The following ERAP2 variants were observed in gnomAD, a reference collection of about 807,000 sequenced individuals.
ERAP2 encodes the protein leukocyte-derived arginine aminopeptidase.
ERAP2 carries 118 observed loss-of-function variants against 111.1 expected under a neutral mutation model. That is an observed-to-expected ratio of 1.06 (90% CI 0.92 to 1.24). The LOEUF (loss-of-function observed/expected upper bound fraction) is 1.24, where lower values mean the gene tolerates loss of function less well. Among genes scored for constraint, ERAP2 ranks in the 50% most tolerant of loss-of-function variants. The probability of loss-of-function intolerance (pLI) is 0.00; values close to 1 mark genes in which losing one functional copy is unlikely to be tolerated. For missense variants in ERAP2, 1,131 were observed against 1,125.8 expected, an observed-to-expected ratio of 1.00 and a Z score of -0.07; for synonymous variants, 410 against 401.2, an observed-to-expected ratio of 1.02 and a Z score of -0.26.
In ERAP2 at chr5:96,896,718, G is replaced by GT. The variant is rs745917887; in HGVS notation, c.1372-5dup. The GT allele has an allele frequency of 1.3e-3, 1,802 of 1,437,818 alleles. No homozygotes were observed. Among genetic ancestry groups the GT allele is most frequent in the South Asian group, 3.0e-3 (217 of 73,036 alleles). 89.1% of individuals were successfully genotyped at this position (1,437,818 alleles called of 1,614,324 possible). On this transcript the variant is annotated splice_polypyrimidine_tract_variant and intron_variant, in intron 8 of 18. Transcript: ENST00000437043. ...CTTTATCTCTTTTTTCAACTCTTTT[G>GT]TTTTTTTTTAAAGGGAGCTTGTATT...
At chr5:96,899,232 T>TTCTGAC (rs3985004) in intron 9 of ERAP2, among the ~76,000 whole-genome samples, 94,317 of 151,554 alleles carry the variant, frequency 0.62, 29,483 homozygotes, top group South Asian at 0.73. Context: ...AAAATTTGTC[T>TTCTGAC]TCTAAGTCCA....
intron 17 of ERAP2, among the ~76,000 whole-genome samples, chr5:96,915,020 T>C (rs1787216845): frequency 6.6e-6 from 1 of 152,182 alleles, no homozygotes. Flanking sequence ...TAATTTATTT[T>C]TTTTGAGACG....
chr5:96,891,003 A>G (rs1237131707), intron 5 of ERAP2, among the ~76,000 whole-genome samples: 8 of 152,202 alleles, frequency 5.3e-5, no homozygotes, highest in African/African-American at 1.9e-4. Context: ...TATAAGTCCC[A>G]CTACTATAAA....
chr5:96,889,258 A>AT lies in ERAP2; in HGVS notation c.928dup (p.Tyr310LeufsTer2), dbSNP rs770126117. 16 of 1,613,894 alleles carry AT rather than the reference A, an allele frequency of 9.9e-6. No homozygotes were observed. The highest frequency in any genetic ancestry group is 1.3e-5 in the African/African-American group (1 of 74,920). ...TTGCAGGCATCACTGAAGCTACTTG[A>AT]TTTTTATGAAAAGTACTTTGATATC... On this transcript the variant is annotated frameshift_variant, in exon 5 of 19. Coordinates refer to ENST00000437043, the MANE Select transcript of ERAP2 (RefSeq NM_022350.5). LOFTEE classifies it high-confidence loss of function.
At position 96,908,872 on chromosome 5, in the gene ERAP2, T is replaced by C. The variant is rs562231061; in HGVS notation, c.2013-89T>C. On this transcript the variant is annotated intron_variant, in intron 13 of 18. Transcript: ENST00000437043. ...CAGCTATAATGACCTACTTCTGTTA[T>C]TGTTCTCTATTTCATATTTGTTTTA... 1.9e-5 allele frequency: 25 copies of C among 1,329,276 alleles called. 1 individual carries two copies. In the East Asian group the frequency reaches 6.0e-4, roughly 32 times the overall value. The allele number at this position is 1,329,276 out of a possible 1,614,324, so 82.3% of individuals were successfully genotyped here.
intron 15 of ERAP2, among the ~76,000 whole-genome samples, chr5:96,911,879 AAAG>A (rs1214012616): frequency 1.1e-4 from 14 of 125,672 alleles, no homozygotes; most frequent in Non-Finnish European, 2.2e-4. Context: ...AAAAAAAAAA[AAAG>A]AAAGAAAGAA....
intron 9 of ERAP2, among the ~76,000 whole-genome samples, chr5:96,897,782 C>T (rs967023328): frequency 6.6e-6 from 1 of 152,132 alleles, no homozygotes; most frequent in African/African-American, 2.4e-5. Context: ...GAACTCATAC[C>T]TGTAATTAGA....
At chr5:96,891,385 A>T (rs55691766) in intron 5 of ERAP2, among the ~76,000 whole-genome samples, 1 of 148,658 alleles carries the variant, frequency 6.7e-6, no homozygotes, top group African/African-American at 2.5e-5. Context: ...ATATATATAT[A>T]TGTGTATACA....
intron 13 of ERAP2, among the ~76,000 whole-genome samples, chr5:96,905,917 T>C (rs1195154272): frequency 6.6e-6 from 1 of 150,864 alleles, no homozygotes. Context: ...ACATTTAGTT[T>C]GGAGAGATAA....
intron 1 of ERAP2, among the ~76,000 whole-genome samples, chr5:96,877,652 T>C (rs951726809): frequency 2.0e-5 from 3 of 152,202 alleles, no homozygotes; most frequent in Admixed American, 6.5e-5. Context: ...CATGATCACG[T>C]AGGTGAGGTT....
intron 13 of ERAP2, among the ~76,000 whole-genome samples, chr5:96,908,129 T>C (rs756762554): frequency 2.0e-5 from 3 of 152,214 alleles, no homozygotes; most frequent in Non-Finnish European, 4.4e-5. Context: ...TAGAGCACTA[T>C]GTTAATGATA....
chr5:96,901,291 C>T (rs760528316), intron 10 of ERAP2, among the ~76,000 whole-genome samples: 1 of 152,128 alleles, frequency 6.6e-6, no homozygotes, highest in Non-Finnish European at 1.5e-5. Context: ...CTACTATATC[C>T]TGTATATATC....
Position 96,886,052 on chromosome 5 carries a change from A to G in ERAP2, c.715-603A>G, listed in dbSNP as rs563040357. ...CGCAGCAAGTGAGAGAATGAGCATC[A>G]TCTTTGGAGTCACACGGTCACATCC... On this transcript the variant is annotated intron_variant, in intron 3 of 18. Transcript: ENST00000437043. 5.3e-5 allele frequency among the ~76,000 whole-genome samples: 8 copies of G among 152,374 alleles called. No individual in the cohort carries two copies. In the South Asian group the frequency reaches 1.7e-3, roughly 32 times the overall value.
chr5:96,894,866 T>C (rs944306200), intron 6 of ERAP2, among the ~76,000 whole-genome samples: 2 of 152,118 alleles, frequency 1.3e-5, no homozygotes, highest in Admixed American at 1.3e-4. Flanking sequence ...CCCTTGAACA[T>C]CATCATATAT....
At chr5:96,901,084 T>C (rs958312735) in intron 10 of ERAP2, among the ~76,000 whole-genome samples, 14 of 152,206 alleles carry the variant, frequency 9.2e-5, no homozygotes, top group Non-Finnish European at 1.9e-4. Context: ...TATTAAATTG[T>C]TCTGTTGAAA....
In ERAP2 at chr5:96,886,694, C is replaced by G; in HGVS notation, c.754C>G (p.His252Asp). ...IELEGGLLED[H>D]FETTVKMSTY... is the part of the protein sequence containing the mutation. ...ACTTGAAGGAGGTCTTTTGGAAGAT[C>G]ACTTTGAAACTACTGTAAAAATGAG... Residue 252 changes from histidine (H) to aspartate (D), a missense_variant, in exon 4 of 19, where the codon CAC (histidine) becomes GAC (aspartate). By Grantham distance (81) the His-to-Asp change is moderately conservative. Coordinates refer to ENST00000437043, the MANE Select transcript of ERAP2 (RefSeq NM_022350.5). 1 of 1,551,978 alleles carries G rather than the reference C, an allele frequency of 6.4e-7. No homozygotes were observed. The highest frequency in any genetic ancestry group is 8.8e-7 in the Non-Finnish European group (1 of 1,136,514).
chr5:96,916,765 C>CTTT (rs34358677), intron 18 of ERAP2, among the ~76,000 whole-genome samples: 5,497 of 144,978 alleles, frequency 0.038, 176 homozygotes, highest in Middle Eastern at 0.12. Flanking sequence ...ACCAGCCTAT[C>CTTT]TTTTTTTTTT....
chr5:96,883,643 C>T (rs967601285), intron 2 of ERAP2, 149 bp from the exon 3 acceptor site: 1 of 777,508 alleles, frequency 1.3e-6, no homozygotes, highest in Admixed American at 3.4e-5. Flanking sequence ...TCATTTTCCT[C>T]AAAGAGACAG....
At position 96,912,641 on chromosome 5, in the gene ERAP2, C is replaced by T; in HGVS notation, c.2359C>T (p.Pro787Ser). The change falls in exon 16 of 19, where the codon CCA becomes TCA. Residue 787 changes from proline (P) to serine (S), a missense_variant. Transcript: ENST00000437043. ...WMESSGKLNIPTDVLKIVYSV... is the reference protein window; with the variant it reads ...WMESSGKLNISTDVLKIVYSV... ...TTTTTATGCTTGATATTACAGTATA[C>T]CAACAGATGTTTTAAAGATTGTGTA... 3 of 1,605,336 alleles carry T rather than the reference C, an allele frequency of 1.9e-6. No individual in the cohort carries two copies. The highest frequency in any genetic ancestry group is 2.7e-5 in the African/African-American group (2 of 74,348).
Sources: allele counts gnomAD v4.1 joint callset (sites outside exome capture counted in the v4.1 genomes callset), GRCh38; gene constraint gnomAD v4.1.1; transcripts MANE v1.5; gene names NCBI Gene and HGNC (gene_info 2026-07-23, HGNC 2026-07-21).